Variants in NRXN1 observed in about 807,000 individuals in gnomAD.
NRXN1 encodes neurexin-1.
A neutral mutation model predicts 150.9 loss-of-function variants in NRXN1; 39 were observed. That is an observed-to-expected ratio of 0.26 (90% CI 0.20 to 0.34). The LOEUF is 0.34. Among genes scored for constraint, NRXN1 ranks in the 10% least tolerant of loss-of-function variants. The pLI, the probability that NRXN1 is intolerant of heterozygous loss-of-function variation, is 1.00. For missense variants in NRXN1, 1,815 were observed against 1,949.9 expected (o/e 0.93, Z 1.30); for synonymous variants, 924 against 757.0 (o/e 1.22, Z -3.62).
chr2:50,627,247 G>T, intron 5 of NRXN1, among the ~76,000 whole-genome samples: 1 of 151,602 alleles, frequency 6.6e-6, no homozygotes, highest in Non-Finnish European at 1.5e-5. Flanking sequence ...TTAGAAAATA[G>T]TTAACCAGGA....
At chr2:50,434,921 G>GA (rs2085300016) in intron 17 of NRXN1, among the ~76,000 whole-genome samples, 1 of 152,036 alleles carries the variant, frequency 6.6e-6, no homozygotes, top group African/African-American at 2.4e-5. Flanking sequence ...TCAGGATACA[G>GA]TATTGTATTT....
At chr2:50,430,352 A>G (rs17040640) in intron 17 of NRXN1, among the ~76,000 whole-genome samples, 46,241 of 151,980 alleles carry the variant, frequency 0.3, 7,339 homozygotes, top group East Asian at 0.4. Flanking sequence ...CAGCAAGCCA[A>G]TTTGTGCAGT....
chr2:50,251,623 G>T (rs1362197849), intron 17 of NRXN1, among the ~76,000 whole-genome samples: 2 of 152,080 alleles, frequency 1.3e-5, no homozygotes, highest in African/African-American at 4.8e-5. Flanking sequence ...TTCCACACTG[G>T]TTGAACTAAT....
chr2:50,337,012 AG>A (rs2077229237), intron 17 of NRXN1, among the ~76,000 whole-genome samples: 2 of 152,210 alleles, frequency 1.3e-5, no homozygotes, highest in African/African-American at 2.4e-5. Flanking sequence ...CAAAATGCTC[AG>A]TCAGAATAAA....
chr2:50,098,916 G>A (rs1340252359), intron 18 of NRXN1, among the ~76,000 whole-genome samples: 1 of 122,316 alleles, frequency 8.2e-6, no homozygotes, highest in Non-Finnish European at 1.6e-5. Flanking sequence ...ACACAATAAG[G>A]AATCAGAAGT....
intron 5 of NRXN1, among the ~76,000 whole-genome samples, chr2:50,810,331 A>C (rs1313798416): frequency 2.0e-5 from 3 of 152,180 alleles, no homozygotes; most frequent in African/African-American, 7.2e-5. Flanking sequence ...TCATATCTAC[A>C]TATACTGAGA....
At chr2:50,227,036 G>T (rs2064450792) in intron 18 of NRXN1, among the ~76,000 whole-genome samples, 1 of 151,832 alleles carries the variant, frequency 6.6e-6, no homozygotes, top group South Asian at 2.1e-4. Context: ...GACACTTGCT[G>T]CTCGGCATCA....
chr2:50,053,032 A>G (rs1337520455), intron 21 of NRXN1, among the ~76,000 whole-genome samples: 1 of 152,178 alleles, frequency 6.6e-6, no homozygotes, highest in Non-Finnish European at 1.5e-5. Context: ...AATCAAGACT[A>G]TCATTTAGCA....
chr2:50,270,848 G>A (rs35754637), intron 17 of NRXN1, among the ~76,000 whole-genome samples: 19,299 of 151,932 alleles, frequency 0.13, 1,597 homozygotes, highest in Admixed American at 0.24. Context: ...TAGTAGAGAC[G>A]GGTTTTCACC....
chr2:50,215,761 T>C (rs537258544), intron 18 of NRXN1, among the ~76,000 whole-genome samples: 4 of 152,218 alleles, frequency 2.6e-5, no homozygotes. Context: ...AATTAAGGAA[T>C]TATTGTTAAA....
At chr2:51,030,931 T>G (rs1002338438) in intron 1 of NRXN1, among the ~76,000 whole-genome samples, 1 of 152,064 alleles carries the variant, frequency 6.6e-6, no homozygotes, top group Non-Finnish European at 1.5e-5. Flanking sequence ...ATTGTATTAA[T>G]TAATGTTACA....
chr2:50,738,431 T>A (rs568019280), intron 5 of NRXN1, among the ~76,000 whole-genome samples: 1 of 152,322 alleles, frequency 6.6e-6, no homozygotes, highest in Admixed American at 6.5e-5. Context: ...ATTTAATATC[T>A]AATTTATTCA....
In NRXN1 at chr2:50,194,879, A is replaced by C. The variant is rs574672068; in HGVS notation, c.3546+41910T>G. Among the ~76,000 whole-genome samples, 141 of 152,294 alleles carry C rather than the reference A, an allele frequency of 9.3e-4. 1 individual carries two copies. The highest frequency in any genetic ancestry group is 3.0e-3 in the African/African-American group (125 of 41,574). ...TCCTCTTTGTTCAAATTAAAGAACA[A>C]CAACAGATAACGTTAAGTATTTTTA... is the stretch of plus-strand genomic sequence containing the variant. On this transcript the variant is annotated intron_variant, in intron 18 of 22. Transcript: ENST00000401669.
intron 8 of NRXN1, among the ~76,000 whole-genome samples, chr2:50,587,969 G>C (rs1487769286): frequency 2.0e-5 from 3 of 152,094 alleles, no homozygotes; most frequent in African/African-American, 7.2e-5. Context: ...ATTTTAGTAA[G>C]AAATGATCTT....
intron 5 of NRXN1, among the ~76,000 whole-genome samples, chr2:50,906,393 C>T (rs548629239): frequency 6.6e-6 from 1 of 152,042 alleles, no homozygotes; most frequent in Non-Finnish European, 1.5e-5. Flanking sequence ...TCCAGTCGTG[C>T]CCACATCTTT....
At chr2:50,166,385 C>A (rs575386769) in intron 18 of NRXN1, among the ~76,000 whole-genome samples, 1 of 150,314 alleles carries the variant, frequency 6.7e-6, no homozygotes, top group Non-Finnish European at 1.5e-5. Flanking sequence ...CAGCTGACAA[C>A]CAGCAAGAAA....
chr2:50,386,936 G>A (rs1223852612), intron 17 of NRXN1, among the ~76,000 whole-genome samples: 2 of 152,090 alleles, frequency 1.3e-5, no homozygotes, highest in East Asian at 1.9e-4. Flanking sequence ...CTCCATGAGA[G>A]CTAATACTAT....
At chr2:50,764,197 A>G (rs1398889410) in intron 5 of NRXN1, among the ~76,000 whole-genome samples, 1 of 151,878 alleles carries the variant, frequency 6.6e-6, no homozygotes, top group Non-Finnish European at 1.5e-5. Context: ...TACCTACTAC[A>G]TGCCAGACAC....
intron 18 of NRXN1, among the ~76,000 whole-genome samples, chr2:50,232,067 G>C (rs2064992333): frequency 6.6e-6 from 1 of 151,994 alleles, no homozygotes. Context: ...AAGTAAGAAA[G>C]TTAAAACTGT....
Sources: allele counts gnomAD v4.1 joint callset (sites outside exome capture counted in the v4.1 genomes callset), GRCh38; gene constraint gnomAD v4.1.1; transcripts MANE v1.5; gene names NCBI Gene and HGNC (gene_info 2026-07-23, HGNC 2026-07-21).